SUV39H2: variants seen among roughly 807,000 people sequenced by gnomAD.
The protein encoded by SUV39H2 is SUV39H2 histone lysine methyltransferase.
A neutral mutation model predicts 47.5 loss-of-function variants in SUV39H2; 10 were observed. The observed-to-expected ratio is 0.21, with a 90% CI of 0.13 to 0.36. The LOEUF is 0.36. Among genes scored for constraint, SUV39H2 ranks in the 10% least tolerant of loss-of-function variants. The pLI is 1.00. For synonymous variants in SUV39H2, 159 were observed against 166.8 expected (o/e 0.95, Z 0.36); for missense variants, 266 against 487.4 (o/e 0.55, Z 4.28).
intron 2 of SUV39H2, among the ~76,000 whole-genome samples, chr10:14,890,886 T>G (rs1054735223): frequency 1.3e-5 from 2 of 152,220 alleles, no homozygotes; most frequent in African/African-American, 4.8e-5. Context: ...TGTATTTCCT[T>G]TAAGAACTCA....
chr10:14,894,128 A>C (rs2131692713), intron 2 of SUV39H2, among the ~76,000 whole-genome samples: 1 of 152,270 alleles, frequency 6.6e-6, no homozygotes, highest in East Asian at 1.9e-4. Context: ...ACCCACTAAC[A>C]GCAGTCCTGA....
rs1442758484 is a variant in SUV39H2, at chr10:14,899,446, A to G, written c.850-93A>G. 6.7e-6 allele frequency: 9 copies of G among 1,350,358 alleles called. No individual in the cohort carries two copies. In the African/African-American group the frequency reaches 1.2e-4, roughly 18 times the overall value. 83.6% of individuals were successfully genotyped at this position (1,350,358 alleles called of 1,614,324 possible). ...GACACCTGAATTTCTTACTTTTTAA[A>G]TATTTGTAGGTATTCGCATATTAGT... is the stretch of plus-strand genomic sequence containing the variant. On this transcript the variant is annotated intron_variant, in intron 3 of 5. Transcript: ENST00000354919.
At chr10:14,884,618 C>T (rs1833147839) in intron 2 of SUV39H2, among the ~76,000 whole-genome samples, 1 of 152,090 alleles carries the variant, frequency 6.6e-6, no homozygotes, top group Non-Finnish European at 1.5e-5. Flanking sequence ...TTTCCACTTC[C>T]CATTAGCTTT....
At position 14,897,329 on chromosome 10, in the gene SUV39H2, C is replaced by G. The variant is rs758749693; in HGVS notation, c.661C>G (p.Pro221Ala). 9.3e-6 allele frequency: 15 copies of G among 1,612,880 alleles called. No individual in the cohort carries two copies. The highest frequency in any genetic ancestry group is 1.6e-4 in the Middle Eastern group (1 of 6,084). The change falls in exon 3 of 6, where the codon CCA (proline) becomes GCA (alanine). Residue 221 changes from proline (P) to alanine (A), a missense_variant. Around this residue, in one of 4 missense-constraint regions of SUV39H2, gnomAD observed 112 missense variants for 271.9 expected, o/e 0.41. Coordinates refer to ENST00000354919, the MANE Select transcript of SUV39H2 (RefSeq NM_001193424.2). ...TAATAAAAACCAACAAATTAAAATCCCACCTGGTACTCCCATCTATGAATG... is the reference window on the plus strand; with the variant it reads ...TAATAAAAACCAACAAATTAAAATCGCACCTGGTACTCCCATCTATGAATG... ...AYNKNQQIKI[P>A]PGTPIYECNS...
chr10:14,902,581 T>C lies in SUV39H2; in HGVS notation c.*69T>C. On this transcript the variant is annotated 3_prime_UTR_variant, in exon 6 of 6. Coordinates refer to ENST00000354919, the MANE Select transcript of SUV39H2 (RefSeq NM_001193424.2). ...TAATGTTAACATTTTTAAAAATACA[T>C]ATTTGGGACTCTTATTATCAAGGTT... is the stretch of plus-strand genomic sequence containing the variant. 1.1e-6 allele frequency: 1 copy of C among 949,914 alleles called. No individual in the cohort carries two copies. The highest frequency in any genetic ancestry group is 2.0e-5 in the South Asian group (1 of 50,308). The allele number at this position is 949,914 out of a possible 1,614,324, so 58.8% of individuals were successfully genotyped here. A position where few individuals can be genotyped will look rare whatever the true frequency, so the allele number is the denominator to read the frequency against.
Position 14,897,091 on chromosome 10 carries a change from A to G in SUV39H2, c.423A>G (p.Gln141=), listed in dbSNP as rs767145488. Residue 141 remains glutamine (Q), a synonymous_variant, in exon 3 of 6, where the codon CAA becomes CAG. Transcript: ENST00000354919. ...AAAGGATAGCTCTGCAGAGATGGCA[A>G]GATGAACTCAACAGAAGAAAGAATC... The part of the protein sequence containing the change: ...AKQRIALQRW[Q]DELNRRKNHK... 2.5e-6 allele frequency: 4 copies of G among 1,613,888 alleles called. No homozygotes were observed. The highest frequency in any genetic ancestry group is 1.7e-5 in the Admixed American group (1 of 60,006).
Position 14,896,991 on chromosome 10 carries a change from A to C in SUV39H2, c.323A>C (p.Lys108Thr). 1 of 1,614,146 alleles carries C rather than the reference A, an allele frequency of 6.2e-7. No homozygotes were observed. Among genetic ancestry groups the C allele is most frequent in the Non-Finnish European group, 8.5e-7 (1 of 1,180,040 alleles). Residue 108 changes from lysine to threonine, a missense_variant, in exon 3 of 6, where the codon AAA (lysine) becomes ACA (threonine). Around this residue, in one of 4 missense-constraint regions of SUV39H2, gnomAD observed 91 missense variants for 110.9 expected, o/e 0.82. Transcript: ENST00000354919. ...TATTTATCTCAGGTAAAGAAAGGCAAAGCAATAACTCCAAAAGACAATAAC... is the reference window on the plus strand; with the variant it reads ...TATTTATCTCAGGTAAAGAAAGGCACAGCAATAACTCCAAAAGACAATAAC... ...HNYLSQVKKGKAITPKDNNKT... is the reference protein window; with the variant it reads ...HNYLSQVKKGTAITPKDNNKT...
rs140516936 is a variant in SUV39H2, at chr10:14,879,190, C to G, written c.31+271C>G. On this transcript the variant is annotated intron_variant, in intron 1 of 5. Transcript: ENST00000354919. ...AGCGTGGCCTCTCCGCCCGCTCGGC[C>G]CGGCCCCCTCCGCGTCTCCCGTGGC... 8.3e-6 allele frequency: 9 copies of G among 1,090,554 alleles called. No individual in the cohort carries two copies. In the African/African-American group the frequency reaches 1.3e-4, roughly 16 times the overall value. The allele number at this position is 1,090,554 out of a possible 1,614,324, so 67.6% of individuals were successfully genotyped here.
At chr10:14,899,360 T>G in intron 3 of SUV39H2, 179 bp from the exon 4 acceptor site, 1 of 706,860 alleles carries the variant, frequency 1.4e-6, no homozygotes, top group Non-Finnish European at 2.5e-6. Flanking sequence ...TCATTTTTCT[T>G]CCCCTCATTT....
At chr10:14,889,397 A>C (rs191852933) in intron 2 of SUV39H2, among the ~76,000 whole-genome samples, 1 of 152,176 alleles carries the variant, frequency 6.6e-6, no homozygotes, top group African/African-American at 2.4e-5. Flanking sequence ...TCTTTTAGAG[A>C]TTCCCTACAT....
At chr10:14,879,140 C>G in intron 1 of SUV39H2, 4 of 1,239,650 alleles carry the variant, frequency 3.2e-6, no homozygotes, top group Non-Finnish European at 3.0e-6. Flanking sequence ...GGGCACTGTC[C>G]GAGCCTGGGG....
chr10:14,879,045 A>C, intron 1 of SUV39H2, 126 bp downstream of exon 1: 8 of 1,315,976 alleles, frequency 6.1e-6, no homozygotes, highest in Non-Finnish European at 7.8e-6. Flanking sequence ...CCGCGACCCC[A>C]ACTCCGGGAC....
chr10:14,891,290 G>A (rs1167932289), intron 2 of SUV39H2, among the ~76,000 whole-genome samples: 3 of 152,182 alleles, frequency 2.0e-5, no homozygotes, highest in Non-Finnish European at 4.4e-5. Flanking sequence ...AGTGTGTGTT[G>A]TGTGAATGGG....
rs1833642980 is a variant in SUV39H2, at chr10:14,896,899, T to C, written c.231T>C (p.Thr77=). 3.1e-6 allele frequency: 5 copies of C among 1,611,962 alleles called. No homozygotes were observed. Among genetic ancestry groups the C allele is most frequent in the African/African-American group, 2.7e-5 (2 of 74,982 alleles). The part of the protein sequence containing the change: ...KWKGWPDSTN[T]WEPLQNLKCP... ...AAGGATGGCCAGATTCTACAAATAC[T>C]TGGGAACCTTTGCAAAATCTGAAGT... The change falls in exon 3 of 6, where the codon ACT becomes ACC. Residue 77 remains threonine, a synonymous_variant. Coordinates refer to ENST00000354919, the MANE Select transcript of SUV39H2 (RefSeq NM_001193424.2).
intron 2 of SUV39H2, among the ~76,000 whole-genome samples, chr10:14,892,999 A>ATTTTTTTT (rs869161891): frequency 2.3e-4 from 18 of 79,926 alleles, no homozygotes; most frequent in Non-Finnish European, 2.8e-4. Context: ...AATTTTTTGT[A>ATTTTTTTT]TTTTTTTTTT....
chr10:14,887,238 T>C (rs1462709749), intron 2 of SUV39H2, among the ~76,000 whole-genome samples: 1 of 152,164 alleles, frequency 6.6e-6, no homozygotes, highest in Admixed American at 6.5e-5. Context: ...ACGGTTCTTT[T>C]GTTTTTTAAA....
rs1347632386 is a variant in SUV39H2, at chr10:14,878,879, G to C, written c.-10G>C. 2.5e-5 allele frequency: 37 copies of C among 1,489,348 alleles called. No homozygotes were observed. Among genetic ancestry groups the C allele is most frequent in the Non-Finnish European group, 3.1e-5 (35 of 1,119,176 alleles). 92.3% of individuals were successfully genotyped at this position (1,489,348 alleles called of 1,614,324 possible). ...TCAGACCGCGCCAGTTTGAATGAAAGCTCTACAAGATGGCGGCGGTCGGGG... is the reference window on the plus strand; with the variant it reads ...TCAGACCGCGCCAGTTTGAATGAAACCTCTACAAGATGGCGGCGGTCGGGG... On this transcript the variant is annotated 5_prime_UTR_variant, in exon 1 of 6. Transcript: ENST00000354919.
At chr10:14,896,141 C>G (rs967461146) in intron 2 of SUV39H2, among the ~76,000 whole-genome samples, 1 of 152,092 alleles carries the variant, frequency 6.6e-6, no homozygotes, top group African/African-American at 2.4e-5. Context: ...TGGGGTTTTC[C>G]CATGTTGCCC....
At position 14,903,445 on chromosome 10, in the gene SUV39H2, C is replaced by G. The variant is rs1834153809; in HGVS notation, c.*933C>G. 6.6e-6 allele frequency: 1 copy of G among 152,186 alleles called. No individual in the cohort carries two copies. Among genetic ancestry groups the G allele is most frequent in the Non-Finnish European group, 1.5e-5 (1 of 68,040 alleles). 9.4% of individuals were successfully genotyped at this position (152,186 alleles called of 1,614,324 possible). ...CATTAACATTACAGCCTCTCAATTT[C>G]AGGCAGGTGTAACAGTTCCTTTCCA... On this transcript the variant is annotated 3_prime_UTR_variant, in exon 6 of 6. Transcript: ENST00000354919.
Sources: gnomAD v4.1 joint callset for allele counts (sites outside exome capture counted in the v4.1 genomes callset) on GRCh38, gnomAD v4.1.1 for gene constraint, gnomAD v4.1.1 regional missense constraint, MANE v1.5 for transcripts, NCBI Gene and HGNC (gene_info 2026-07-23, HGNC 2026-07-21) for gene names.